TBC1D30: variants seen among roughly 807,000 people sequenced by gnomAD.
TBC1D30 encodes the protein TBC1 domain family member 30.
Under a neutral mutation model 63.2 loss-of-function variants are expected in TBC1D30, and 31 were observed. The ratio of observed to expected loss-of-function variants is 0.49; its 90% CI spans 0.37 to 0.66. The LOEUF (loss-of-function observed/expected upper bound fraction) is 0.66, where lower values mean the gene tolerates loss of function less well. Ranked by LOEUF, TBC1D30 falls within the 30% of genes least tolerant of loss-of-function variation. The pLI, the probability that TBC1D30 is intolerant of heterozygous loss-of-function variation, is 0.00. For missense variants in TBC1D30, 810 were observed against 953.6 expected, an observed-to-expected ratio of 0.85 and a Z score of 1.98; for synonymous variants, 307 against 361.5, an observed-to-expected ratio of 0.85 and a Z score of 1.71.
intron 8 of TBC1D30, among the ~76,000 whole-genome samples, chr12:64,861,138 T>G (rs1273078492): frequency 2.0e-5 from 3 of 152,188 alleles, no homozygotes; most frequent in Non-Finnish European, 4.4e-5. Flanking sequence ...TTGAGTAGCA[T>G]CCCTCCTGTC....
intron 5 of TBC1D30, among the ~76,000 whole-genome samples, chr12:64,833,000 C>G (rs1434340053): frequency 6.6e-6 from 1 of 152,076 alleles, no homozygotes; most frequent in Non-Finnish European, 1.5e-5. Context: ...ATATTCTGTT[C>G]TTTAGAAGCC....
At chr12:64,832,408 G>A in intron 5 of TBC1D30, 104 bp downstream of exon 5, 1 of 1,174,610 alleles carries the variant, frequency 8.5e-7, no homozygotes, top group Non-Finnish European at 1.2e-6. Context: ...CAAGGTGTTT[G>A]CCACACCTTT....
rs1471646313 is a variant in TBC1D30, at chr12:64,866,872, T to C, written c.1260T>C (p.Pro420=). 3 of 1,536,152 alleles carry C rather than the reference T, an allele frequency of 2.0e-6. No individual in the cohort carries two copies. Among genetic ancestry groups the C allele is most frequent in the African/African-American group, 2.7e-5 (2 of 73,040 alleles). The change falls in exon 10 of 12, where the codon CCT becomes CCC. Residue 420 remains proline, a synonymous_variant. Coordinates refer to ENST00000539867, the MANE Select transcript of TBC1D30 (RefSeq NM_015279.2). ...GACCTTTTAGTGGGTTCCTGGCTCC[T>C]GAACTGCAGAAGTACCAAAAACAAA... ...CLGPFSGFLA[P]ELQKYQKQIK... is the part of the protein sequence containing the mutation.
intron 8 of TBC1D30, among the ~76,000 whole-genome samples, chr12:64,853,393 A>G (rs1293480841): frequency 1.3e-5 from 2 of 152,180 alleles, no homozygotes; most frequent in African/African-American, 4.8e-5. Context: ...TGGCAGCAAG[A>G]ATTTCAAGCC....
intron 2 of TBC1D30, among the ~76,000 whole-genome samples, chr12:64,803,613 A>G (rs1413614971): frequency 2.0e-5 from 3 of 152,266 alleles, no homozygotes; most frequent in East Asian, 3.9e-4. Flanking sequence ...GTTTTCTTCT[A>G]TGGTTTTTAT....
Position 64,759,594 on chromosome 12 carries a change from GA to G in TBC1D30, c.-430del, listed in dbSNP as rs377360492. 6 of 369,766 alleles carry G rather than the reference GA, an allele frequency of 1.6e-5. No individual in the cohort carries two copies. The East Asian group carries it at 3.1e-4, about 19-fold the overall frequency. 22.9% of individuals were successfully genotyped at this position (369,766 alleles called of 1,614,324 possible). A position where few individuals can be genotyped will look rare whatever the true frequency, so the allele number is the denominator to read the frequency against. ...AACCGGAGAAAAGGGCGGAGAACCGGAGAAAAGGGCGGAGAACCGGGAAAAG... is the reference window on the plus strand; with the variant it reads ...AACCGGAGAAAAGGGCGGAGAACCGGGAAAAGGGCGGAGAACCGGGAAAAG... On this transcript the variant is annotated 5_prime_UTR_variant, in exon 1 of 14. Transcript: ENST00000674237.
intron 1 of TBC1D30, among the ~76,000 whole-genome samples, chr12:64,761,103 C>T (rs543678291): frequency 6.6e-6 from 1 of 152,274 alleles, no homozygotes; most frequent in South Asian, 2.1e-4. Context: ...AACCAGAATA[C>T]TTGGTTACAG....
intron 2 of TBC1D30, among the ~76,000 whole-genome samples, chr12:64,796,942 AG>A (rs1872312188): frequency 6.6e-6 from 1 of 151,672 alleles, no homozygotes; most frequent in Admixed American, 6.6e-5. Flanking sequence ...CTATGTCAAC[AG>A]CAAAATATAA....
chr12:64,841,106 G>C (rs1049097068), intron 7 of TBC1D30, among the ~76,000 whole-genome samples: 1 of 152,118 alleles, frequency 6.6e-6, no homozygotes, highest in African/African-American at 2.4e-5. Context: ...CTTCAATATG[G>C]AACTTTCTGA....
chr12:64,790,915 C>T (rs910069334), intron 2 of TBC1D30, among the ~76,000 whole-genome samples: 7 of 152,070 alleles, frequency 4.6e-5, no homozygotes, highest in Non-Finnish European at 7.4e-5. Context: ...TCCACCCAGC[C>T]GGCATTTTCA....
chr12:64,878,745 A>AG lies in TBC1D30; in HGVS notation c.*2960dup. The stretch of plus-strand genomic sequence containing the variant: ...CAGACCCCCCTTGGTCACATGAACC[A>AG]GGGAAACAGCCCAATAAGCTCTATC... On this transcript the variant is annotated 3_prime_UTR_variant, in exon 12 of 12. Coordinates refer to ENST00000539867, the MANE Select transcript of TBC1D30 (RefSeq NM_015279.2). The AG allele has an allele frequency of 2.9e-6, 1 of 346,906 alleles. No individual in the cohort carries two copies. The highest frequency in any genetic ancestry group is 5.7e-6 in the Non-Finnish European group (1 of 176,040). The allele number at this position is 346,906 out of a possible 1,614,324, so 21.5% of individuals were successfully genotyped here.
intron 3 of TBC1D30, 142 bp from the exon 4 acceptor site, chr12:64,830,235 T>C: frequency 1.4e-6 from 1 of 740,308 alleles, no homozygotes; most frequent in Non-Finnish European, 2.0e-6. Context: ...AGTGAGACTC[T>C]TGTAGATTTC....
At chr12:64,788,034 A>AG (rs1298980577) in intron 2 of TBC1D30, among the ~76,000 whole-genome samples, 1 of 152,070 alleles carries the variant, frequency 6.6e-6, no homozygotes, top group East Asian at 1.9e-4. Flanking sequence ...GCTCTGTCTC[A>AG]GAAAAAAAAA....
chr12:64,802,140 A>G (rs1872610781), intron 2 of TBC1D30, among the ~76,000 whole-genome samples: 1 of 152,180 alleles, frequency 6.6e-6, no homozygotes, highest in Non-Finnish European at 1.5e-5. Flanking sequence ...CGCCTAGCCC[A>G]TTACAGCTCT....
At chr12:64,779,615 A>T (rs758606304), upstream of TBC1D30, among the ~76,000 whole-genome samples, 18 of 152,190 alleles carry the variant, frequency 1.2e-4, no homozygotes, top group Admixed American at 3.3e-4. Flanking sequence ...AACAAACACG[A>T]AACACCAGTG....
chr12:64,845,158 G>A (rs1045020520), intron 8 of TBC1D30, among the ~76,000 whole-genome samples: 2 of 152,046 alleles, frequency 1.3e-5, no homozygotes, highest in Admixed American at 6.6e-5. Flanking sequence ...GGATCATATG[G>A]TAGCTCTAAT....
chr12:64,826,191 A>G (rs151064972), intron 1 of TBC1D30, among the ~76,000 whole-genome samples: 1 of 152,314 alleles, frequency 6.6e-6, no homozygotes, highest in East Asian at 1.9e-4. Context: ...TTCTGTTAGA[A>G]GAAAAGAAAA....
At chr12:64,862,412 A>C (rs896602769) in intron 8 of TBC1D30, among the ~76,000 whole-genome samples, 43 of 152,242 alleles carry the variant, frequency 2.8e-4, no homozygotes, top group Admixed American at 2.6e-3. Flanking sequence ...AAAGGAAGAC[A>C]TGAAGTAGAG....
At chr12:64,774,829 A>C (rs983072097) in intron 1 of TBC1D30, among the ~76,000 whole-genome samples, 1 of 152,106 alleles carries the variant, frequency 6.6e-6, no homozygotes, top group Non-Finnish European at 1.5e-5. Context: ...ATGGTGGCTC[A>C]TGTCTGTAAT....
Sources: allele counts gnomAD v4.1 joint callset (sites outside exome capture counted in the v4.1 genomes callset), GRCh38; gene constraint gnomAD v4.1.1; transcripts MANE v1.5; gene names NCBI Gene and HGNC (gene_info 2026-07-23, HGNC 2026-07-21).